Variants in ALPK3 observed in about 807,000 individuals in gnomAD.
ALPK3 encodes alpha-protein kinase 3.
ALPK3 carries 102 observed loss-of-function variants against 140.0 expected under a neutral mutation model. The observed-to-expected ratio is 0.73, with a 90% confidence interval of 0.62 to 0.86. ALPK3 has a LOEUF of 0.86. Ranked by LOEUF, ALPK3 falls within the 40% of genes least tolerant of loss-of-function variation. ALPK3 has a pLI of 0.00. For missense variants in ALPK3, 2,254 were observed against 2,208.2 expected (o/e 1.02, Z -0.42); for synonymous variants, 938 against 898.5 (o/e 1.04, Z -0.79).
intron 2 of ALPK3, among the ~76,000 whole-genome samples, chr15:84,824,163 CT>C (rs1247311428): frequency 6.6e-6 from 1 of 152,084 alleles, no homozygotes; most frequent in African/African-American, 2.4e-5. Context: ...TTTTCCTTTC[CT>C]TTGGTTCCTC....
chr15:84,845,812 A>G (rs1472199772), intron 5 of ALPK3, among the ~76,000 whole-genome samples: 2 of 152,208 alleles, frequency 1.3e-5, no homozygotes, highest in East Asian at 1.9e-4. Flanking sequence ...TAATCCCAGC[A>G]CTTTGGGAAG....
chr15:84,831,533 C>T (rs1303544730), intron 3 of ALPK3, among the ~76,000 whole-genome samples: 1 of 152,182 alleles, frequency 6.6e-6, no homozygotes, highest in Admixed American at 6.5e-5. Flanking sequence ...TCTGTAGCAT[C>T]CTGCACTTTT....
rs1487016073 is a variant in ALPK3, at chr15:84,868,662, G to C, written c.*206G>C. Reference sequence around the variant, plus strand: ...GCACATAGCCCACTGGCCTCTTCTGGTGCCACTGTCACCCAGGGCTCCCGG... The same window carrying C: ...GCACATAGCCCACTGGCCTCTTCTGCTGCCACTGTCACCCAGGGCTCCCGG... On this transcript the variant is annotated 3_prime_UTR_variant, in exon 14 of 14. Coordinates refer to ENST00000258888, the MANE Select transcript of ALPK3 (RefSeq NM_020778.5). 10 of 603,674 alleles carry C rather than the reference G, an allele frequency of 1.7e-5. No individual in the cohort carries two copies. The highest frequency in any genetic ancestry group is 2.6e-5 in the Non-Finnish European group (9 of 348,312). 37.4% of individuals were successfully genotyped at this position (603,674 alleles called of 1,614,324 possible).
intron 3 of ALPK3, among the ~76,000 whole-genome samples, chr15:84,833,909 C>G (rs551346122): frequency 2.2e-4 from 33 of 152,112 alleles, no homozygotes; most frequent in African/African-American, 7.0e-4. Context: ...GTCTCCAGCA[C>G]AGGGGCTTCC....
chr15:84,858,122 C>T lies in ALPK3; in HGVS notation c.3384C>T (p.Pro1128=), dbSNP rs1167350294. 5.0e-6 allele frequency: 8 copies of T among 1,585,118 alleles called. No individual in the cohort carries two copies. The highest frequency in any genetic ancestry group is 2.2e-5 in the East Asian group (1 of 44,654). The change falls in exon 6 of 14, where the codon CCC becomes CCT. Residue 1128 remains proline (P), a synonymous_variant. Coordinates refer to ENST00000258888, the MANE Select transcript of ALPK3 (RefSeq NM_020778.5). ...GGCAGGCAGCCCCTGGACAGGGGCC[C>T]TCAGCAGAGAGCATAGCCCAGGAGC... ...AGGQAAPGQG[P]SAESIAQEPS...
In ALPK3 at chr15:84,817,450, G is replaced by T; in HGVS notation, c.-3G>T. On this transcript the variant is annotated 5_prime_UTR_variant, in exon 1 of 14. Transcript: ENST00000258888. ...GGGGCCGGCGGTCGGGGAGGGCGGT[G>T]CCATGGGGTCGCGGAGGGCCCCCAG... 7.5e-7 allele frequency: 1 copy of T among 1,328,252 alleles called. No individual in the cohort carries two copies. The highest frequency in any genetic ancestry group is 9.6e-7 in the Non-Finnish European group (1 of 1,046,258). The allele number at this position is 1,328,252 out of a possible 1,614,324, so 82.3% of individuals were successfully genotyped here. A position where few individuals can be genotyped will look rare whatever the true frequency, so the allele number is the denominator to read the frequency against.
At chr15:84,828,147 T>G (rs528063499) in intron 3 of ALPK3, among the ~76,000 whole-genome samples, 64 of 152,328 alleles carry the variant, frequency 4.2e-4, no homozygotes, top group Middle Eastern at 6.8e-3. Context: ...AATGATAGGA[T>G]GCACTTCATA....
At chr15:84,847,565 T>C (rs1366024729) in intron 5 of ALPK3, among the ~76,000 whole-genome samples, 1 of 152,138 alleles carries the variant, frequency 6.6e-6, no homozygotes, top group Non-Finnish European at 1.5e-5. Flanking sequence ...AGCAATGATT[T>C]GAATGACTAT....
chr15:84,862,150 C>T (rs970158329), intron 9 of ALPK3, among the ~76,000 whole-genome samples: 4 of 152,106 alleles, frequency 2.6e-5, no homozygotes, highest in Non-Finnish European at 5.9e-5. Flanking sequence ...ATTTAGCGGT[C>T]ACAATTTGAG....
Position 84,868,341 on chromosome 15 carries a change from G to A in ALPK3, c.5003G>A (p.Arg1668Gln), listed in dbSNP as rs370296349. 39 of 1,613,968 alleles carry A rather than the reference G, an allele frequency of 2.4e-5. 1 individual carries two copies. The highest frequency in any genetic ancestry group is 1.6e-4 in the African/African-American group (12 of 74,904). Reference sequence around the variant, plus strand: ...GGCCTCCCTAGTCCTCAGGGCACCCGGAAGAGTGCTCCAAGTTCCAAGGCC... The same window carrying A: ...GGCCTCCCTAGTCCTCAGGGCACCCAGAAGAGTGCTCCAAGTTCCAAGGCC... ...KKGLPSPQGT[R>Q]KSAPSSKATP... is the part of the protein sequence containing the mutation. The change falls in exon 14 of 14, where the codon CGG becomes CAG. Residue 1668 changes from arginine to glutamine, a missense_variant. Arg to Gln is a conservative substitution (Grantham distance 43, BLOSUM62 1). This residue lies in a region of ALPK3 where 158 missense variants were observed against 159.8 expected (regional missense o/e 0.99). Transcript: ENST00000258888.
intron 13 of ALPK3, among the ~76,000 whole-genome samples, chr15:84,867,806 A>T (rs560175786): frequency 2.2e-4 from 34 of 152,290 alleles, no homozygotes; most frequent in Admixed American, 2.0e-3. Context: ...TGGGCCAGGC[A>T]TGGTGGCTCA....
intron 12 of ALPK3, among the ~76,000 whole-genome samples, 187 bp downstream of exon 12, chr15:84,864,852 C>T (rs528210124): frequency 6.6e-6 from 1 of 152,154 alleles, no homozygotes; most frequent in Non-Finnish European, 1.5e-5. Flanking sequence ...TAATACATAC[C>T]TCATGTAGCC....
chr15:84,823,322 T>C lies in ALPK3; in HGVS notation c.144-8T>C, dbSNP rs1033288368. The C allele has an allele frequency of 3.7e-6, 6 of 1,614,124 alleles. No homozygotes were observed. The African/African-American group carries it at 8.0e-5, about 22-fold the overall frequency. Reference sequence around the variant, plus strand: ...GGCCTAATGATTCCATTTGCTGTTTTTGCTTAGCTTATCAAGCAACCGGTT... The same window carrying C: ...GGCCTAATGATTCCATTTGCTGTTTCTGCTTAGCTTATCAAGCAACCGGTT... On this transcript the variant is annotated splice_region_variant and splice_polypyrimidine_tract_variant and intron_variant, in intron 1 of 13. Coordinates refer to ENST00000258888, the MANE Select transcript of ALPK3 (RefSeq NM_020778.5).
intron 1 of ALPK3, among the ~76,000 whole-genome samples, chr15:84,822,282 G>A (rs1412749297): frequency 6.6e-6 from 1 of 152,168 alleles, no homozygotes; most frequent in Non-Finnish European, 1.5e-5. Context: ...TTTGAGCTTA[G>A]GAGTTTGGGA....
intron 1 of ALPK3, among the ~76,000 whole-genome samples, chr15:84,818,035 C>G (rs1963382179): frequency 6.6e-6 from 1 of 152,104 alleles, no homozygotes; most frequent in Non-Finnish European, 1.5e-5. Flanking sequence ...AGAGTAGGAG[C>G]TGCTTAGCTC....
chr15:84,866,192 GATC>G (rs1964002244), intron 12 of ALPK3, among the ~76,000 whole-genome samples: 1 of 152,206 alleles, frequency 6.6e-6, no homozygotes, highest in Non-Finnish European at 1.5e-5. Flanking sequence ...AAATGAGAGA[GATC>G]ATCATTTTTA....
chr15:84,853,715 T>G (rs1231584999), intron 5 of ALPK3, among the ~76,000 whole-genome samples: 6 of 151,752 alleles, frequency 4.0e-5, no homozygotes, highest in African/African-American at 1.5e-4. Context: ...GCTATGATCT[T>G]GCCTATAAAT....
At chr15:84,864,753 T>C in intron 12 of ALPK3, 88 bp downstream of exon 12, 1 of 1,316,576 alleles carries the variant, frequency 7.6e-7, no homozygotes, top group Non-Finnish European at 1.1e-6. Context: ...TGGCTGATCG[T>C]TTACAAAGCA....
chr15:84,867,926 A>G (rs938717518), intron 13 of ALPK3, among the ~76,000 whole-genome samples, 185 bp from the exon 14 acceptor site: 12 of 152,034 alleles, frequency 7.9e-5, no homozygotes, highest in Non-Finnish European at 1.8e-4. Context: ...TTTTTTTAAA[A>G]AGAAAAACTG....
Sources: gnomAD v4.1 joint callset for allele counts (sites outside exome capture counted in the v4.1 genomes callset) on GRCh38, gnomAD v4.1.1 for gene constraint, gnomAD v4.1.1 regional missense constraint, MANE v1.5 for transcripts, NCBI Gene and HGNC (gene_info 2026-07-23, HGNC 2026-07-21) for gene names.